Variants in KCNQ1 observed in about 807,000 individuals in gnomAD.
KCNQ1 encodes potassium voltage-gated channel subfamily Q member 1.
A neutral mutation model predicts 72.4 loss-of-function variants in KCNQ1; 49 were observed. The observed-to-expected ratio is 0.68, with a 90% CI of 0.54 to 0.86. The LOEUF (loss-of-function observed/expected upper bound fraction) is 0.86, where lower values mean the gene tolerates loss of function less well. Among genes scored for constraint, KCNQ1 ranks in the 40% least tolerant of loss-of-function variants. KCNQ1 has a pLI of 0.00. For missense variants in KCNQ1, 790 were observed against 945.1 expected, an observed-to-expected ratio of 0.84 and a Z score of 2.15; for synonymous variants, 450 against 412.6, an observed-to-expected ratio of 1.09 and a Z score of -1.10.
In KCNQ1 at chr11:2,762,619, G is replaced by A. The variant is rs967722707; in HGVS notation, c.1515-6225G>A. Among the ~76,000 whole-genome samples the A allele has an allele frequency of 1.3e-4, 20 of 152,176 alleles. No homozygotes were observed. Among genetic ancestry groups the A allele is most frequent in the Non-Finnish European group, 2.9e-5 (2 of 68,042 alleles). Reference sequence around the variant, plus strand: ...CAGGACCGTGCAGCAGGAGGTGAGCGGTTGGCAAGTGAACGTGATCACCTG... The same window carrying A: ...CAGGACCGTGCAGCAGGAGGTGAGCAGTTGGCAAGTGAACGTGATCACCTG... On this transcript the variant is annotated intron_variant, in intron 11 of 15. Transcript: ENST00000155840. The surrounding 1 kb of genome is among the most constrained non-coding windows in gnomAD (Gnocchi z 4.3).
At chr11:2,665,739 A>G in intron 11 of KCNQ1, 1 of 398,424 alleles carries the variant, frequency 2.5e-6, no homozygotes, top group Non-Finnish European at 4.4e-6. Flanking sequence ...CAGAACCCCC[A>G]AAGCCCCAGG....
chr11:2,737,797 C>T (rs780060585), intron 11 of KCNQ1, among the ~76,000 whole-genome samples: 4 of 152,156 alleles, frequency 2.6e-5, no homozygotes, highest in Non-Finnish European at 5.9e-5. Flanking sequence ...AGGGTGCGAC[C>T]GTCACAGCCC....
Position 2,572,822 on chromosome 11 carries a change from G to A in KCNQ1, c.781-24G>A, listed in dbSNP as rs201750176. ...TCCCAGCCTGCGGTTCCTGGAGCCC[G>A]ACACTGTGTGTTTTCTGGCCTAGGA... On this transcript the variant is annotated intron_variant, in intron 5 of 15. Coordinates refer to ENST00000155840, the MANE Select transcript of KCNQ1 (RefSeq NM_000218.3). 8.7e-6 allele frequency: 14 copies of A among 1,613,392 alleles called. No individual in the cohort carries two copies. In the African/African-American group the frequency reaches 1.3e-4, roughly 15 times the overall value.
intron 10 of KCNQ1, chr11:2,616,880 T>G (rs1469726476): frequency 2.5e-6 from 1 of 398,118 alleles, no homozygotes; most frequent in African/African-American, 2.1e-5. Context: ...CATATATGTT[T>G]GTAGGTCTAG....
intron 10 of KCNQ1, among the ~76,000 whole-genome samples, chr11:2,596,589 C>CA (rs113199425): frequency 0.025 from 3,195 of 127,364 alleles, 75 homozygotes; most frequent in African/African-American, 0.063. Context: ...AGAAGCCAGA[C>CA]AAAAAAAAAA....
rs995238925 is a variant in KCNQ1, at chr11:2,809,284, T to C, written c.1794+31247T>C. 6.6e-6 allele frequency among the ~76,000 whole-genome samples: 1 copy of C among 152,238 alleles called. No individual in the cohort carries two copies. Among genetic ancestry groups the C allele is most frequent in the Non-Finnish European group, 1.5e-5 (1 of 68,044 alleles). On this transcript the variant is annotated intron_variant, in intron 15 of 15. Transcript: ENST00000155840. This position sits in a 1 kb window ranked among gnomAD's most constrained non-coding sequence, Gnocchi z 7.1. ...CTTCACCAAAAGAGAAATTCATTTC[T>C]AAATGTCACTTTCAGGTTAAGGAAA...
At chr11:2,733,816 T>TTCCACACACACACACACACACACA (rs1845899342) in intron 11 of KCNQ1, among the ~76,000 whole-genome samples, 1 of 18,078 alleles carries the variant, frequency 5.5e-5, no homozygotes, top group Non-Finnish European at 1.3e-4. Flanking sequence ...ACACACACAC[T>TTCCACACACACACACACACACACA]CTCTCACTCT....
At chr11:2,775,477 C>T (rs959049672) in intron 12 of KCNQ1, among the ~76,000 whole-genome samples, 10 of 152,206 alleles carry the variant, frequency 6.6e-5, no homozygotes, top group East Asian at 5.8e-4. Flanking sequence ...AGAGGAGACC[C>T]GCTCCCTACC....
At chr11:2,822,204 A>G (rs992488439) in intron 15 of KCNQ1, among the ~76,000 whole-genome samples, 1 of 152,284 alleles carries the variant, frequency 6.6e-6, no homozygotes, top group East Asian at 1.9e-4. Flanking sequence ...TCCAGCAGGT[A>G]TCAGCCCTGC....
In KCNQ1 at chr11:2,663,064, G is replaced by A; in HGVS notation, c.1514+983G>A. On this transcript the variant is annotated intron_variant, in intron 11 of 15. Coordinates refer to ENST00000155840, the MANE Select transcript of KCNQ1 (RefSeq NM_000218.3). The surrounding 1 kb of genome is among the most constrained non-coding windows in gnomAD (Gnocchi z 5.2). Reference sequence around the variant, plus strand: ...GCAGGTGTAACCAGAGAACTGGCAGGGTTGGGTAGCCAGAATGAGGCCACC... The same window carrying A: ...GCAGGTGTAACCAGAGAACTGGCAGAGTTGGGTAGCCAGAATGAGGCCACC... The A allele has an allele frequency of 2.5e-6, 1 of 398,626 alleles. No individual in the cohort carries two copies. Among genetic ancestry groups the A allele is most frequent in the Non-Finnish European group, 4.4e-6 (1 of 226,080 alleles). 24.7% of individuals were successfully genotyped at this position (398,626 alleles called of 1,614,324 possible). A position where few individuals can be genotyped will look rare whatever the true frequency, so the allele number is the denominator to read the frequency against.
chr11:2,711,912 C>CAGG lies in KCNQ1; in HGVS notation c.1514+49832_1514+49834dup, dbSNP rs1415164477. On this transcript the variant is annotated intron_variant, in intron 11 of 15. Coordinates refer to ENST00000155840, the MANE Select transcript of KCNQ1 (RefSeq NM_000218.3). The surrounding 1 kb of genome is among the most constrained non-coding windows in gnomAD (Gnocchi z 5.4). ...GCTGGCCCTGAGGCATGGCAGGTGG[C>CAGG]AGGTGGCTGGGGCTGCTCACCTGCT... Among the ~76,000 whole-genome samples, 1 of 152,126 alleles carries CAGG rather than the reference C, an allele frequency of 6.6e-6. No individual in the cohort carries two copies. The highest frequency in any genetic ancestry group is 1.5e-5 in the Non-Finnish European group (1 of 68,008).
Position 2,449,995 on chromosome 11 carries a change from C to T in KCNQ1, c.386+4511C>T, listed in dbSNP as rs754177222. ...TGCCTTCCAGCGATGGGAATGCCAC[C>T]GGTCCCTGTAGCCAAGGTGCAGATG... On this transcript the variant is annotated intron_variant, in intron 1 of 15. Coordinates refer to ENST00000155840, the MANE Select transcript of KCNQ1 (RefSeq NM_000218.3). Among the ~76,000 whole-genome samples, 52 of 152,184 alleles carry T rather than the reference C, an allele frequency of 3.4e-4. 1 individual carries two copies. The highest frequency in any genetic ancestry group is 5.4e-4 in the Non-Finnish European group (37 of 68,014).
Position 2,516,451 on chromosome 11 carries a change from G to A in KCNQ1, c.387-11477G>A, listed in dbSNP as rs1316006526. Among the ~76,000 whole-genome samples, 4 of 152,122 alleles carry A rather than the reference G, an allele frequency of 2.6e-5. No homozygotes were observed. Among genetic ancestry groups the A allele is most frequent in the Non-Finnish European group, 5.9e-5 (4 of 68,026 alleles). ...GCCAGCTCTGGGGGCACACGTTCCT[G>A]TTTGAATTCTCAATCTCCGGGCTCA... On this transcript the variant is annotated intron_variant, in intron 1 of 15. Transcript: ENST00000155840. The surrounding 1 kb of genome is among the most constrained non-coding windows in gnomAD (Gnocchi z 7.0).
intron 11 of KCNQ1, among the ~76,000 whole-genome samples, chr11:2,731,938 A>AGAGAG (rs1845864826): frequency 6.6e-6 from 1 of 152,236 alleles, no homozygotes; most frequent in African/African-American, 2.4e-5. Flanking sequence ...TGTCTCCTGC[A>AGAGAG]GAGAGGAGAG....
At position 2,662,589 on chromosome 11, in the gene KCNQ1, G is replaced by A. The variant is rs371913401; in HGVS notation, c.1514+508G>A. 36 of 417,492 alleles carry A rather than the reference G, an allele frequency of 8.6e-5. No individual in the cohort carries two copies. The South Asian group carries it at 9.9e-4, about 12-fold the overall frequency. 25.9% of individuals were successfully genotyped at this position (417,492 alleles called of 1,614,324 possible). On this transcript the variant is annotated intron_variant, in intron 11 of 15. Coordinates refer to ENST00000155840, the MANE Select transcript of KCNQ1 (RefSeq NM_000218.3). ...CACAGCTGGCCTGGGATGCATGCCC[G>A]TCCTCCCCCGCCGTCACGGCATGGC... is the stretch of plus-strand genomic sequence containing the variant.
intron 11 of KCNQ1, chr11:2,685,376 A>G: frequency 2.5e-6 from 1 of 398,704 alleles, no homozygotes; most frequent in Non-Finnish European, 4.4e-6. Flanking sequence ...TCTGCCTGGT[A>G]CATGGGCAGG....
intron 15 of KCNQ1, among the ~76,000 whole-genome samples, chr11:2,847,330 C>T (rs1259048203): frequency 6.6e-6 from 1 of 152,236 alleles, no homozygotes; most frequent in Non-Finnish European, 1.5e-5. Flanking sequence ...TTTCTTGACC[C>T]TTAACCCAAA....
Position 2,529,446 on chromosome 11 carries a change from C to T in KCNQ1, c.477+1428C>T, listed in dbSNP as rs1021394534. Among the ~76,000 whole-genome samples, 7 of 152,070 alleles carry T rather than the reference C, an allele frequency of 4.6e-5. No individual in the cohort carries two copies. In the South Asian group the frequency reaches 6.2e-4, roughly 14 times the overall value. ...AATAAACTGGGGGAGACTGACATCT[C>T]GGTGGTCTCCAGGAGCATGGTGTGT... On this transcript the variant is annotated intron_variant, in intron 2 of 15. Transcript: ENST00000155840.
At position 2,627,850 on chromosome 11, in the gene KCNQ1, A is replaced by G. The variant is rs968377431; in HGVS notation, c.1394-34111A>G. On this transcript the variant is annotated intron_variant, in intron 10 of 15. Transcript: ENST00000155840. This position sits in a 1 kb window ranked among gnomAD's most constrained non-coding sequence, Gnocchi z 4.9. The stretch of plus-strand genomic sequence containing the variant: ...ACTGTAGCCTCAACCTCATGGGCTC[A>G]AGTGATCCTCCTGCCTCAGCCTCCT... 5.0e-6 allele frequency: 2 copies of G among 398,664 alleles called. No homozygotes were observed. The highest frequency in any genetic ancestry group is 3.6e-5 in the East Asian group (1 of 28,082). The allele number at this position is 398,664 out of a possible 1,614,324, so 24.7% of individuals were successfully genotyped here.
Sources: gnomAD v4.1 joint callset for allele counts (sites outside exome capture counted in the v4.1 genomes callset) on GRCh38, gnomAD v4.1.1 for gene constraint, Gnocchi (gnomAD v3.1) non-coding constraint, MANE v1.5 for transcripts, NCBI Gene and HGNC (gene_info 2026-07-23, HGNC 2026-07-21) for gene names.